CYP3A5: variants seen among roughly 807,000 people sequenced by gnomAD.
CYP3A5 encodes the protein cytochrome P450 family 3 subfamily A member 5, also known as cytochrome P450 3A5.
CYP3A5 carries 51 observed loss-of-function variants against 55.9 expected under a neutral mutation model. The observed-to-expected ratio is 0.91, with a 90% CI of 0.73 to 1.15. The LOEUF is 1.15. Ranked by LOEUF, CYP3A5 falls within the 50% of genes most tolerant of loss-of-function variation. CYP3A5 has a pLI of 0.00. For synonymous variants in CYP3A5, 196 were observed against 213.9 expected (o/e 0.92, Z 0.73); for missense variants, 533 against 596.6 (o/e 0.89, Z 1.11).
rs1163831454 is a variant in CYP3A5, at chr7:99,650,121, T to A, written c.1365A>T (p.Leu455=). ...AGGAGAAGTTCTGAAGGACTCTGAT[T>A]AGAGCAAGTTTCATGTTCATGAGAG... is the stretch of plus-strand genomic sequence containing the variant. ...RFALMNMKLA[L]IRVLQNFSFK... Residue 455 remains leucine, a synonymous_variant, in exon 12 of 13, where the codon CTA becomes CTT. Coordinates refer to ENST00000222982, the MANE Select transcript of CYP3A5 (RefSeq NM_000777.5). The A allele has an allele frequency of 6.2e-7, 1 of 1,614,180 alleles. No individual in the cohort carries two copies. Among genetic ancestry groups the A allele is most frequent in the South Asian group, 1.1e-5 (1 of 91,084 alleles).
rs1218326641 is a variant in CYP3A5, at chr7:99,660,623, AT to A, written c.901del (p.Ile301SerfsTer60). The A allele has an allele frequency of 6.2e-7, 1 of 1,613,978 alleles. No individual in the cohort carries two copies. The highest frequency in any genetic ancestry group is 1.1e-5 in the South Asian group (1 of 91,078). On this transcript the variant is annotated frameshift_variant, in exon 10 of 13. Transcript: ENST00000222982. LOFTEE classifies it high-confidence loss of function. The part of the protein sequence containing the change: ...SDLELAAQSI[I>X]FIFAGYETTS... Reference sequence around the variant, plus strand: ...GGTTTCATAGCCAGCAAAAATGAAGATTATTGACTGGGCTGCGAGCTCCAGA... The same window carrying A: ...GGTTTCATAGCCAGCAAAAATGAAGATATTGACTGGGCTGCGAGCTCCAGA...
At chr7:99,655,994 T>C (rs552375805) in intron 10 of CYP3A5, among the ~76,000 whole-genome samples, 291 of 152,158 alleles carry the variant, frequency 1.9e-3, no homozygotes, top group Non-Finnish European at 3.4e-3. Context: ...GACGATGGGG[T>C]TTTCTAGATA....
At chr7:99,676,530 A>G (rs755590217) in intron 1 of CYP3A5, 1 of 1,367,194 alleles carries the variant, frequency 7.3e-7, no homozygotes, top group East Asian at 4.3e-5. Context: ...TCATTTCCTT[A>G]TGTCTGTTTA....
rs950429198 is a variant in CYP3A5 at position 99,650,204 on chromosome 7, G to C, written c.1282C>G (p.Pro428Ala). ...RFSKKKDSID[P>A]YIYTPFGTGP... ...GTTCCAAAGGGTGTGTATATGTAAG[G>C]ATCTATGCTGTCCTTCTTCTTACTG... The change falls in exon 12 of 13, where the codon CCT becomes GCT. Residue 428 changes from proline (P) to alanine (A), a missense_variant. Physicochemically the swap from Pro to Ala is conservative, Grantham distance 27 (BLOSUM62 -1). Coordinates refer to ENST00000222982, the MANE Select transcript of CYP3A5 (RefSeq NM_000777.5). The C allele has an allele frequency of 1.2e-5, 20 of 1,613,926 alleles. No homozygotes were observed. The highest frequency in any genetic ancestry group is 1.2e-4 in the Admixed American group (7 of 60,006).
At chr7:99,663,130 T>C (rs1810612438) in intron 8 of CYP3A5, 2 of 1,215,066 alleles carry the variant, frequency 1.6e-6, no homozygotes, top group African/African-American at 1.6e-5. Flanking sequence ...CCTCCCTGTT[T>C]CTCATCTTCT....
At chr7:99,658,020 G>A (rs564287907) in intron 10 of CYP3A5, among the ~76,000 whole-genome samples, 1 of 152,226 alleles carries the variant, frequency 6.6e-6, no homozygotes, top group Admixed American at 6.5e-5. Context: ...ACACCGATGG[G>A]TCTTGACTCT....
chr7:99,679,780 C>G, intron 1 of CYP3A5, 46 bp downstream of exon 1: 1 of 1,592,188 alleles, frequency 6.3e-7, no homozygotes. Context: ...CCGATTAGCA[C>G]CCCAAGTCCA....
At chr7:99,665,843 C>CCA (rs1810953934) in intron 6 of CYP3A5, among the ~76,000 whole-genome samples, 1 of 152,178 alleles carries the variant, frequency 6.6e-6, no homozygotes, top group Non-Finnish European at 1.5e-5. Context: ...TGGAAAACCC[C>CCA]ACTATCCCCA....
chr7:99,649,184 G>A (rs1468794699), intron 12 of CYP3A5, among the ~76,000 whole-genome samples: 1 of 152,130 alleles, frequency 6.6e-6, no homozygotes, highest in Admixed American at 6.5e-5. Flanking sequence ...TGTGCCAGAG[G>A]CCCACTTTCT....
chr7:99,655,639 G>A (rs1453313163), intron 10 of CYP3A5, among the ~76,000 whole-genome samples: 3 of 152,300 alleles, frequency 2.0e-5, no homozygotes, highest in Non-Finnish European at 4.4e-5. Flanking sequence ...GCTTGATGGC[G>A]ATGGCACTGA....
chr7:99,651,761 C>T (rs934214965), intron 11 of CYP3A5, among the ~76,000 whole-genome samples: 49 of 152,258 alleles, frequency 3.2e-4, no homozygotes, highest in African/African-American at 8.4e-4. Context: ...AGAGTGCGAA[C>T]TGTGCCTAAG....
intron 1 of CYP3A5, among the ~76,000 whole-genome samples, chr7:99,679,143 G>T (rs1177215015): frequency 6.6e-6 from 1 of 152,114 alleles, no homozygotes; most frequent in African/African-American, 2.4e-5. Context: ...CTTCCTCCAG[G>T]TCTCCTTTGC....
At chr7:99,675,478 A>G (rs1448011054) in intron 2 of CYP3A5, among the ~76,000 whole-genome samples, 2 of 152,014 alleles carry the variant, frequency 1.3e-5, no homozygotes, top group African/African-American at 4.8e-5. Flanking sequence ...CTCCAGGTAC[A>G]CAGGATAGGA....
At position 99,670,815 on chromosome 7, in the gene CYP3A5, C is replaced by T. The variant is rs532385149; in HGVS notation, c.318+1765G>A. On this transcript the variant is annotated intron_variant, in intron 4 of 12. Transcript: ENST00000222982. ...ATATCTGATGAGCACCTTGAGAACT[C>T]ACTGAGAATTGCAACTACTTCCATC... is the stretch of plus-strand genomic sequence containing the variant. The T allele has an allele frequency of 3.3e-5, 5 of 152,296 alleles. No individual in the cohort carries two copies. In the East Asian group the frequency reaches 7.7e-4, roughly 23 times the overall value. The allele number at this position is 152,296 out of a possible 1,614,324, so 9.4% of individuals were successfully genotyped here.
chr7:99,672,496 C>T (rs2151444123), intron 4 of CYP3A5, 84 bp downstream of exon 4: 2 of 1,222,154 alleles, frequency 1.6e-6, no homozygotes, highest in South Asian at 1.2e-5. Context: ...TTTAGGTAAC[C>T]TTCTGTGAAT....
At chr7:99,658,060 T>C (rs1192002952) in intron 10 of CYP3A5, among the ~76,000 whole-genome samples, 3 of 152,234 alleles carry the variant, frequency 2.0e-5, no homozygotes, top group Admixed American at 6.5e-5. Flanking sequence ...GTCTTTTAAT[T>C]GGAGCATTTA....
rs565441852 is a variant in CYP3A5, at chr7:99,655,798, C to T, written c.1027-3019G>A. On this transcript the variant is annotated intron_variant, in intron 10 of 12. Coordinates refer to ENST00000222982, the MANE Select transcript of CYP3A5 (RefSeq NM_000777.5). ...TCTCCTTGAAGAGGTCCTTCACATC[C>T]CTTGTAAGTTGAATTCCTAGGTATT... is the stretch of plus-strand genomic sequence containing the variant. Among the ~76,000 whole-genome samples the T allele has an allele frequency of 6.4e-4, 97 of 152,228 alleles. 1 individual carries two copies. The highest frequency in any genetic ancestry group is 1.2e-3 in the Admixed American group (18 of 15,302).
At chr7:99,652,428 T>G (rs946497761) in intron 11 of CYP3A5, 125 bp downstream of exon 11, 7 of 674,666 alleles carry the variant, frequency 1.0e-5, no homozygotes, top group Non-Finnish European at 1.7e-5. Flanking sequence ...ATCACTTTTT[T>G]GTGATAAAAA....
intron 6 of CYP3A5, 49 bp from the exon 7 acceptor site, chr7:99,665,363 C>T: frequency 1.2e-6 from 2 of 1,608,488 alleles, no homozygotes; most frequent in African/African-American, 1.3e-5. Flanking sequence ...TCTTACCGTC[C>T]TTCCACTATA....
Sources: allele counts gnomAD v4.1 joint callset (sites outside exome capture counted in the v4.1 genomes callset), GRCh38; gene constraint gnomAD v4.1.1; transcripts MANE v1.5; gene names NCBI Gene and HGNC (gene_info 2026-07-23, HGNC 2026-07-21).